The following RELN variants were observed in gnomAD, a reference collection of about 807,000 sequenced individuals.
RELN encodes the protein reelin.
In RELN, 108 loss-of-function variants were observed where a neutral mutation model predicts 427.6. The ratio of observed to expected loss-of-function variants is 0.25; its 90% CI spans 0.22 to 0.30. The LOEUF (loss-of-function observed/expected upper bound fraction) is 0.30. Among genes scored for constraint, RELN ranks in the 10% least tolerant of loss-of-function variants. The probability of loss-of-function intolerance (pLI) is 1.00; values close to 1 mark genes in which losing one functional copy is unlikely to be tolerated. For missense variants in RELN, 3,715 were observed against 4,302.8 expected (o/e 0.86, Z 3.82); for synonymous variants, 1,524 against 1,513.4 (o/e 1.01, Z -0.16).
At chr7:103,584,164 C>T (rs1584317750) in intron 28 of RELN, among the ~76,000 whole-genome samples, 1 of 152,270 alleles carries the variant, frequency 6.6e-6, no homozygotes, top group East Asian at 1.9e-4. Flanking sequence ...AGTATTGCTC[C>T]CCAGGGAAAG....
chr7:103,774,393 C>A (rs1159828039), intron 4 of RELN, among the ~76,000 whole-genome samples: 1 of 151,838 alleles, frequency 6.6e-6, no homozygotes, highest in East Asian at 1.9e-4. Context: ...ATTTTCTAAT[C>A]CTTTTACTTT....
intron 2 of RELN, among the ~76,000 whole-genome samples, chr7:103,867,079 TTCTA>T (rs1190449239): frequency 6.6e-6 from 1 of 152,118 alleles, no homozygotes; most frequent in African/African-American, 2.4e-5. Context: ...ATTAGATTAC[TTCTA>T]TCTCACAATC....
intron 42 of RELN, among the ~76,000 whole-genome samples, chr7:103,543,105 T>C (rs1830209956): frequency 6.6e-6 from 1 of 152,136 alleles, no homozygotes; most frequent in Admixed American, 6.5e-5. Flanking sequence ...GAGGGGGTAT[T>C]TTCTTGAGTA....
intron 31 of RELN, 52 bp downstream of exon 31, chr7:103,572,132 G>T (rs1190590199): frequency 1.9e-6 from 2 of 1,027,478 alleles, no homozygotes; most frequent in African/African-American, 1.6e-5. Flanking sequence ...GGAGGATAAA[G>T]GACTAATCTG....
intron 5 of RELN, among the ~76,000 whole-genome samples, chr7:103,752,794 T>C (rs1282019000): frequency 6.6e-6 from 1 of 152,208 alleles, no homozygotes; most frequent in Non-Finnish European, 1.5e-5. Flanking sequence ...AAATCCCAAA[T>C]CTTAAATGAC....
At chr7:103,915,529 T>C (rs1795465461) in intron 2 of RELN, among the ~76,000 whole-genome samples, 2 of 152,118 alleles carry the variant, frequency 1.3e-5, no homozygotes, top group Admixed American at 1.3e-4. Flanking sequence ...GTTTGAAGTC[T>C]ACAATTCTGC....
intron 8 of RELN, among the ~76,000 whole-genome samples, chr7:103,701,644 G>T (rs970650392): frequency 6.6e-6 from 1 of 152,026 alleles, no homozygotes; most frequent in Non-Finnish European, 1.5e-5. Context: ...TAGCATCAAA[G>T]AAAAATTTTA....
chr7:103,679,559 GAGAAATGTCCAAAGAGCATAATTAA>G (rs1365726342), intron 11 of RELN, among the ~76,000 whole-genome samples: 1 of 152,186 alleles, frequency 6.6e-6, no homozygotes, highest in Admixed American at 6.5e-5. Context: ...CTTCAGTCCT[GAGAAATGTCCAAAGAGCATAATTAA>G]AGAAATGTCC....
chr7:103,745,854 T>C lies in RELN; in HGVS notation c.656+3572A>G, dbSNP rs185336399. Among the ~76,000 whole-genome samples, 1,175 of 152,300 alleles carry C rather than the reference T, an allele frequency of 7.7e-3. 13 individuals carry two copies. The highest frequency in any genetic ancestry group is 0.044 in the Middle Eastern group (13 of 294). ...TGGCCATACTGCCCAAGGTAATTTA[T>C]AGATTCAATGCCAACCCAATGAAGC... On this transcript the variant is annotated intron_variant, in intron 6 of 64. Coordinates refer to ENST00000428762, the MANE Select transcript of RELN (RefSeq NM_005045.4).
At chr7:103,752,615 C>G (rs932313527) in intron 5 of RELN, among the ~76,000 whole-genome samples, 10 of 152,060 alleles carry the variant, frequency 6.6e-5, no homozygotes, top group Non-Finnish European at 1.5e-4. Flanking sequence ...GGGTCTTGCT[C>G]TGCTGCCCAG....
At chr7:103,592,373 C>A (rs550893215) in intron 27 of RELN, among the ~76,000 whole-genome samples, 14 of 152,188 alleles carry the variant, frequency 9.2e-5, no homozygotes, top group African/African-American at 3.4e-4. Context: ...TGATGTCATC[C>A]TTTTTTATGG....
intron 10 of RELN, among the ~76,000 whole-genome samples, chr7:103,684,504 A>G (rs1487422958): frequency 6.6e-6 from 1 of 152,204 alleles, no homozygotes; most frequent in Non-Finnish European, 1.5e-5. Flanking sequence ...CAGCACCTAC[A>G]TGAAGTGAAT....
Position 103,651,893 on chromosome 7 carries a change from CAG to C in RELN, c.1764-106_1764-105del, listed in dbSNP as rs1052712764. ...TAAGTACATTAAACAACTGTAAAAACAGTGTAAAATTTTTTAAAGATGCTGTT... is the reference window on the plus strand; with the variant it reads ...TAAGTACATTAAACAACTGTAAAAACTGTAAAATTTTTTAAAGATGCTGTT... On this transcript the variant is annotated intron_variant, in intron 14 of 64. Coordinates refer to ENST00000428762, the MANE Select transcript of RELN (RefSeq NM_005045.4). The C allele has an allele frequency of 3.2e-6, 4 of 1,245,148 alleles. No individual in the cohort carries two copies. In the African/African-American group the frequency reaches 6.0e-5, roughly 19 times the overall value. The allele number at this position is 1,245,148 out of a possible 1,614,324, so 77.1% of individuals were successfully genotyped here.
chr7:103,904,704 G>C (rs190625379), intron 2 of RELN, among the ~76,000 whole-genome samples: 98 of 152,218 alleles, frequency 6.4e-4, no homozygotes, highest in African/African-American at 2.2e-3. Flanking sequence ...TTTAACAAAT[G>C]CTTATCATTT....
At chr7:103,608,843 A>C (rs1045916550) in intron 22 of RELN, among the ~76,000 whole-genome samples, 8 of 152,230 alleles carry the variant, frequency 5.3e-5, no homozygotes, top group Non-Finnish European at 1.0e-4. Flanking sequence ...TTTTCTGATA[A>C]GGACAACACT....
At chr7:103,648,833 A>C (rs1832850852) in intron 16 of RELN, among the ~76,000 whole-genome samples, 1 of 152,132 alleles carries the variant, frequency 6.6e-6, no homozygotes, top group African/African-American at 2.4e-5. Flanking sequence ...CAGGTATATA[A>C]AATGCTAAGC....
At chr7:103,687,962 T>C (rs984308061) in intron 10 of RELN, among the ~76,000 whole-genome samples, 2 of 152,124 alleles carry the variant, frequency 1.3e-5, no homozygotes, top group Admixed American at 6.6e-5. Flanking sequence ...TTGGGGGGAA[T>C]TGTGAAAAGC....
At chr7:103,676,924 G>GATATATCTA (rs1219259803) in intron 11 of RELN, among the ~76,000 whole-genome samples, 1 of 151,964 alleles carries the variant, frequency 6.6e-6, no homozygotes, top group African/African-American at 2.4e-5. Context: ...AGCATTAGGA[G>GATATATCTA]ATATATCTAA....
At chr7:103,770,510 A>G (rs1225702628) in intron 4 of RELN, among the ~76,000 whole-genome samples, 6 of 152,070 alleles carry the variant, frequency 3.9e-5, no homozygotes, top group Non-Finnish European at 8.8e-5. Flanking sequence ...AACCTATTCA[A>G]CTTCAACTAG....
Sources: gnomAD v4.1 joint callset for allele counts (sites outside exome capture counted in the v4.1 genomes callset) on GRCh38, gnomAD v4.1.1 for gene constraint, MANE v1.5 for transcripts, NCBI Gene and HGNC (gene_info 2026-07-23, HGNC 2026-07-21) for gene names.